The following SEMA5A variants were observed in gnomAD, a reference collection of about 807,000 sequenced individuals.
SEMA5A encodes semaphorin-5A.
A neutral mutation model predicts 135.5 loss-of-function variants in SEMA5A; 55 were observed. The observed-to-expected ratio is 0.41, with a 90% CI of 0.33 to 0.51. The LOEUF (loss-of-function observed/expected upper bound fraction) is 0.51, where lower values mean the gene tolerates loss of function less well. Among genes scored for constraint, SEMA5A ranks in the 20% least tolerant of loss-of-function variants. The probability of loss-of-function intolerance (pLI) is 0.37; values close to 1 mark genes in which losing one functional copy is unlikely to be tolerated. For missense variants in SEMA5A, 1,290 were observed against 1,419.9 expected, an observed-to-expected ratio of 0.91 and a Z score of 1.47; for synonymous variants, 580 against 546.5, an observed-to-expected ratio of 1.06 and a Z score of -0.85.
At chr5:9,457,667 A>C (rs10454929) in intron 1 of SEMA5A, among the ~76,000 whole-genome samples, 42,920 of 152,006 alleles carry the variant, frequency 0.28, 6,398 homozygotes, top group East Asian at 0.52. Flanking sequence ...AGGACTAACA[A>C]GTCTAGTTGT....
At chr5:9,527,765 T>C (rs994568537) in intron 1 of SEMA5A, among the ~76,000 whole-genome samples, 1 of 152,160 alleles carries the variant, frequency 6.6e-6, no homozygotes, top group Non-Finnish European at 1.5e-5. Flanking sequence ...TTGGACAAAG[T>C]GGGGCATGGA....
intron 3 of SEMA5A, among the ~76,000 whole-genome samples, chr5:9,365,362 G>A (rs1489183006): frequency 6.6e-6 from 1 of 152,076 alleles, no homozygotes; most frequent in African/African-American, 2.4e-5. Flanking sequence ...AAAAATCCAG[G>A]AGGAGCAAAC....
chr5:9,278,115 A>C (rs1314930495), intron 5 of SEMA5A, among the ~76,000 whole-genome samples: 3 of 57,994 alleles, frequency 5.2e-5, no homozygotes, highest in Non-Finnish European at 1.4e-4. Context: ...TGTAAACTTA[A>C]AAAAAAAAAA....
In SEMA5A at chr5:9,224,819, G is replaced by C. The variant is rs764837359; in HGVS notation, c.501C>G (p.His167Gln). Reference sequence around the variant, plus strand: ...CAGCTGTGAGGAGCGCTGTGGAATTGTGCTGGGGACTGTAGGGACAGCGGG... The same window carrying C: ...CAGCTGTGAGGAGCGCTGTGGAATTCTGCTGGGGACTGTAGGGACAGCGGG... ...GMARCPYSPQ[H>Q]NSTALLTAGG... Residue 167 changes from histidine (H) to glutamine (Q), a missense_variant, in exon 8 of 23, where the codon CAC becomes CAG. His to Gln is a conservative substitution (Grantham distance 24). Coordinates refer to ENST00000382496, the MANE Select transcript of SEMA5A (RefSeq NM_003966.3). The C allele has an allele frequency of 1.9e-6, 3 of 1,614,074 alleles. No individual in the cohort carries two copies. In the South Asian group the frequency reaches 3.3e-5, roughly 18 times the overall value.
rs761462850 is a variant in SEMA5A, at chr5:9,118,947, A to T, written c.1925+51T>A. The T allele has an allele frequency of 3.4e-5, 54 of 1,591,684 alleles. No homozygotes were observed. The South Asian group carries it at 5.4e-4, about 16-fold the overall frequency. ...ACCGCGGGGAACTCGACCTGGCCGG[A>T]ATGAGAGTAAGCGTGAGGCTGGCGG... On this transcript the variant is annotated intron_variant, in intron 15 of 22. Transcript: ENST00000382496.
intron 5 of SEMA5A, among the ~76,000 whole-genome samples, chr5:9,305,707 C>CATATATATATATATATAT (rs1561128483): frequency 4.4e-4 from 19 of 42,888 alleles, no homozygotes; most frequent in African/African-American, 9.2e-4. Flanking sequence ...TGTGTGTGTG[C>CATATATATATATATATAT]GTATATATAT....
chr5:9,524,568 T>A (rs1737020167), intron 1 of SEMA5A, among the ~76,000 whole-genome samples: 1 of 152,192 alleles, frequency 6.6e-6, no homozygotes, highest in Admixed American at 6.5e-5. Flanking sequence ...TGCTAACAAC[T>A]TGATTTCAGA....
At chr5:9,065,390 A>G (rs1266469747) in intron 17 of SEMA5A, among the ~76,000 whole-genome samples, 1 of 152,240 alleles carries the variant, frequency 6.6e-6, no homozygotes, top group African/African-American at 2.4e-5. Flanking sequence ...GAGATCTACC[A>G]AACCTCCATG....
At chr5:9,256,822 C>T (rs571249338) in intron 5 of SEMA5A, among the ~76,000 whole-genome samples, 70 of 152,132 alleles carry the variant, frequency 4.6e-4, no homozygotes, top group Non-Finnish European at 8.1e-4. Context: ...AATTTCAAGG[C>T]GAGAGCCTCA....
At chr5:9,144,375 G>A (rs1742217003) in intron 12 of SEMA5A, among the ~76,000 whole-genome samples, 2 of 152,238 alleles carry the variant, frequency 1.3e-5, no homozygotes, top group Admixed American at 6.5e-5. Flanking sequence ...ACCTTAAAAG[G>A]GCATAAGTCC....
At position 9,040,498 on chromosome 5, in the gene SEMA5A, A is replaced by ACTT. The variant is rs1431341295; in HGVS notation, c.*2396_*2398dup. 1 of 152,270 alleles carries ACTT rather than the reference A, an allele frequency of 6.6e-6. No individual in the cohort carries two copies. The highest frequency in any genetic ancestry group is 1.5e-5 in the Non-Finnish European group (1 of 68,048). The allele number at this position is 152,270 out of a possible 1,614,324, so 9.4% of individuals were successfully genotyped here. On this transcript the variant is annotated 3_prime_UTR_variant, in exon 23 of 23. Coordinates refer to ENST00000382496, the MANE Select transcript of SEMA5A (RefSeq NM_003966.3). ...CAACTTATTCCACAGCTGGTAAAAT[A>ACTT]CTTAGAATATATCTGAAATTATCTA...
intron 5 of SEMA5A, among the ~76,000 whole-genome samples, chr5:9,316,644 G>T (rs955096710): frequency 3.3e-5 from 5 of 151,922 alleles, no homozygotes; most frequent in Non-Finnish European, 5.9e-5. Context: ...TGATTAAATT[G>T]TTGATCATTC....
At chr5:9,317,245 AT>A (rs1752433152) in intron 5 of SEMA5A, among the ~76,000 whole-genome samples, 2 of 152,188 alleles carry the variant, frequency 1.3e-5, no homozygotes, top group African/African-American at 4.8e-5. Context: ...GAGATTTATT[AT>A]TTATTATCAT....
At chr5:9,229,760 A>G (rs1391572478) in intron 6 of SEMA5A, among the ~76,000 whole-genome samples, 1 of 151,948 alleles carries the variant, frequency 6.6e-6, no homozygotes, top group Non-Finnish European at 1.5e-5. Flanking sequence ...GCTTGCCCCA[A>G]GGTAAACCAC....
chr5:9,420,801 T>C (rs1757438893), intron 2 of SEMA5A, among the ~76,000 whole-genome samples: 1 of 151,940 alleles, frequency 6.6e-6, no homozygotes, highest in South Asian at 2.1e-4. Flanking sequence ...GGTCACAAGG[T>C]CAGGAGTTCG....
At chr5:9,099,287 G>T (rs961869905) in intron 16 of SEMA5A, among the ~76,000 whole-genome samples, 2 of 152,190 alleles carry the variant, frequency 1.3e-5, no homozygotes, top group African/African-American at 4.8e-5. Flanking sequence ...TTCTCAAAAA[G>T]CTTAAGCATC....
intron 12 of SEMA5A, among the ~76,000 whole-genome samples, chr5:9,138,711 C>T (rs1741898262): frequency 6.6e-6 from 1 of 152,150 alleles, no homozygotes; most frequent in Non-Finnish European, 1.5e-5. Flanking sequence ...AAGCAGTATA[C>T]AATATCCACT....
intron 13 of SEMA5A, among the ~76,000 whole-genome samples, chr5:9,125,984 T>A (rs1159346461): frequency 6.6e-6 from 1 of 152,156 alleles, no homozygotes; most frequent in African/African-American, 2.4e-5. Flanking sequence ...TGCTTTCACA[T>A]CCAGACTCCT....
intron 2 of SEMA5A, 189 bp from the exon 3 acceptor site, chr5:9,380,212 G>T (rs1755538927): frequency 7.1e-6 from 3 of 423,288 alleles, no homozygotes; most frequent in African/African-American, 5.9e-5. Context: ...GCATGCGTGA[G>T]TGCGTGTATC....
Sources: allele counts gnomAD v4.1 joint callset (sites outside exome capture counted in the v4.1 genomes callset), GRCh38; gene constraint gnomAD v4.1.1; transcripts MANE v1.5; gene names NCBI Gene and HGNC (gene_info 2026-07-23, HGNC 2026-07-21).